The following ST8SIA5 variants were observed in gnomAD, a reference collection of about 807,000 sequenced individuals.
ST8SIA5 encodes alpha-2,8-sialyltransferase 8E.
A neutral mutation model predicts 40.2 loss-of-function variants in ST8SIA5; 24 were observed. That is an observed-to-expected ratio of 0.60 (90% confidence interval 0.43 to 0.84). The LOEUF (loss-of-function observed/expected upper bound fraction) is 0.84. Ranked by LOEUF, ST8SIA5 falls within the 40% of genes least tolerant of loss-of-function variation. The probability of loss-of-function intolerance (pLI) is 0.00; values close to 1 mark genes in which losing one functional copy is unlikely to be tolerated. For synonymous variants in ST8SIA5, 198 were observed against 201.8 expected (o/e 0.98, Z 0.16); for missense variants, 465 against 498.5 (o/e 0.93, Z 0.64).
intron 2 of ST8SIA5, among the ~76,000 whole-genome samples, chr18:46,699,946 T>C: frequency 6.6e-6 from 1 of 152,192 alleles, no homozygotes; most frequent in East Asian, 1.9e-4. Flanking sequence ...TTGGTCTCAG[T>C]ACTGGGCTCA....
intron 1 of ST8SIA5, among the ~76,000 whole-genome samples, chr18:46,734,373 C>A (rs1000033780): frequency 6.6e-6 from 1 of 151,886 alleles, no homozygotes; most frequent in East Asian, 1.9e-4. Context: ...AACGGAGAGA[C>A]CCCCAACCCC....
intron 1 of ST8SIA5, among the ~76,000 whole-genome samples, chr18:46,721,659 C>T (rs947051278): frequency 2.6e-5 from 4 of 152,194 alleles, no homozygotes; most frequent in Admixed American, 6.5e-5. Flanking sequence ...GTGCTCTCTG[C>T]GGTTCTGCAT....
chr18:46,748,555 CAAAAAAAAAA>C (rs71162822), intron 1 of ST8SIA5, among the ~76,000 whole-genome samples: 2 of 78,370 alleles, frequency 2.6e-5, no homozygotes, highest in Admixed American at 1.7e-4. Context: ...AACTTCCTCT[CAAAAAAAAAA>C]AAAAAAAAAA....
At chr18:46,710,358 C>CTTTCT (rs1479278221) in intron 1 of ST8SIA5, among the ~76,000 whole-genome samples, 2 of 143,026 alleles carry the variant, frequency 1.4e-5, no homozygotes, top group African/African-American at 5.2e-5. Context: ...TTCTTTCCTT[C>CTTTCT]TTTCTTTTCT....
chr18:46,704,006 C>A (rs1397632204), intron 2 of ST8SIA5, among the ~76,000 whole-genome samples: 1 of 152,130 alleles, frequency 6.6e-6, no homozygotes, highest in Non-Finnish European at 1.5e-5. Flanking sequence ...CTTTTTAAAT[C>A]TCCATACATA....
intron 2 of ST8SIA5, among the ~76,000 whole-genome samples, chr18:46,696,750 C>G (rs2039560410): frequency 6.6e-6 from 1 of 152,180 alleles, no homozygotes; most frequent in Non-Finnish European, 1.5e-5. Context: ...GCACTTTTCT[C>G]CTTTCTCCCA....
At chr18:46,720,338 C>T (rs962028592) in intron 1 of ST8SIA5, among the ~76,000 whole-genome samples, 1 of 152,164 alleles carries the variant, frequency 6.6e-6, no homozygotes, top group African/African-American at 2.4e-5. Context: ...GCTCCCTCTG[C>T]ACTTCCATGG....
chr18:46,713,626 A>G (rs1310958153), intron 1 of ST8SIA5, among the ~76,000 whole-genome samples: 1 of 152,200 alleles, frequency 6.6e-6, no homozygotes, highest in South Asian at 2.1e-4. Context: ...TGCAGGTGGA[A>G]GAAAACCCAG....
intron 1 of ST8SIA5, among the ~76,000 whole-genome samples, chr18:46,753,383 T>C (rs1168820432): frequency 6.6e-6 from 1 of 151,960 alleles, no homozygotes; most frequent in Non-Finnish European, 1.5e-5. Flanking sequence ...CCATCCTGGC[T>C]AACAGGCTGA....
intron 1 of ST8SIA5, among the ~76,000 whole-genome samples, chr18:46,719,818 TTCTCTTTC>T (rs1461513058): frequency 1.0e-4 from 5 of 48,596 alleles, no homozygotes; most frequent in African/African-American, 2.6e-4. Flanking sequence ...TTTCCTTCCT[TTCTCTTTC>T]TTTCTTTCTT....
intron 2 of ST8SIA5, among the ~76,000 whole-genome samples, chr18:46,692,748 C>A (rs2039519269): frequency 6.6e-6 from 1 of 151,990 alleles, no homozygotes; most frequent in Non-Finnish European, 1.5e-5. Flanking sequence ...GCACCTGGTG[C>A]CTTGCTAATT....
intron 1 of ST8SIA5, among the ~76,000 whole-genome samples, chr18:46,736,913 C>A (rs1307380403): frequency 1.3e-5 from 2 of 151,938 alleles, no homozygotes; most frequent in African/African-American, 2.4e-5. Context: ...CCCACACAGT[C>A]CAGGGGCTCT....
intron 1 of ST8SIA5, 22 bp from the exon 2 acceptor site, chr18:46,704,686 T>C (rs768410017): frequency 3.7e-6 from 6 of 1,604,240 alleles, no homozygotes; most frequent in Non-Finnish European, 4.3e-6. Context: ...CAGAGACAGG[T>C]TAAACAGAGA....
rs186271485 is a variant in ST8SIA5, at chr18:46,742,724, G to T, written c.131+13654C>A. Among the ~76,000 whole-genome samples the T allele has an allele frequency of 9.2e-5, 14 of 152,326 alleles. No homozygotes were observed. In the East Asian group the frequency reaches 1.7e-3, roughly 19 times the overall value. On this transcript the variant is annotated intron_variant, in intron 1 of 6. Coordinates refer to ENST00000315087, the MANE Select transcript of ST8SIA5 (RefSeq NM_013305.6). The stretch of plus-strand genomic sequence containing the variant: ...AAGAGAGCAGTGGTTCTCCCAGCAT[G>T]GTCTTTGATCTCTGAGAACAGACAG...
At chr18:46,753,019 A>G (rs1375410172) in intron 1 of ST8SIA5, among the ~76,000 whole-genome samples, 1 of 152,190 alleles carries the variant, frequency 6.6e-6, no homozygotes, top group Non-Finnish European at 1.5e-5. Flanking sequence ...TGGCCCAATG[A>G]ACCAAATGCA....
rs1048465647 is a variant in ST8SIA5 at position 46,673,606 on chromosome 18, A to C, written c.*6436T>G. On this transcript the variant is annotated 3_prime_UTR_variant, in exon 7 of 7. Transcript: ENST00000315087. ...CACCCAGGTGATTCTGATGCAGGCC[A>C]TCAGAAGGCCATCCTACAGGGCATC... The C allele has an allele frequency of 6.6e-6, 1 of 152,142 alleles. No individual in the cohort carries two copies. Among genetic ancestry groups the C allele is most frequent in the Non-Finnish European group, 1.5e-5 (1 of 68,034 alleles). 9.4% of individuals were successfully genotyped at this position (152,142 alleles called of 1,614,324 possible).
At chr18:46,749,120 C>T (rs770032393) in intron 1 of ST8SIA5, among the ~76,000 whole-genome samples, 23 of 152,100 alleles carry the variant, frequency 1.5e-4, no homozygotes, top group Non-Finnish European at 2.9e-4. Flanking sequence ...GACAACATAG[C>T]ATATGATTCC....
intron 1 of ST8SIA5, chr18:46,721,277 T>C: frequency 8.1e-7 from 1 of 1,238,778 alleles, no homozygotes. Context: ...TCTTCCACCC[T>C]AGGAAGTGGA....
chr18:46,744,467 A>C (rs1305410496), intron 1 of ST8SIA5, among the ~76,000 whole-genome samples: 6 of 152,224 alleles, frequency 3.9e-5, no homozygotes, highest in Non-Finnish European at 8.8e-5. Context: ...AGAGACAACG[A>C]AGGTCATTTC....
Sources: gnomAD v4.1 joint callset for allele counts (sites outside exome capture counted in the v4.1 genomes callset) on GRCh38, gnomAD v4.1.1 for gene constraint, MANE v1.5 for transcripts, NCBI Gene and HGNC (gene_info 2026-07-23, HGNC 2026-07-21) for gene names.